The following PHACTR4 variants were observed in gnomAD, a reference collection of about 807,000 sequenced individuals.
PHACTR4 encodes protein phosphatase 1, regulatory subunit 124.
PHACTR4 carries 51 observed loss-of-function variants against 72.7 expected under a neutral mutation model. The ratio of observed to expected loss-of-function variants is 0.70; its 90% CI spans 0.56 to 0.89. PHACTR4 has a LOEUF of 0.89. Ranked by LOEUF, PHACTR4 falls within the 40% of genes least tolerant of loss-of-function variation. The pLI is 0.00. For missense variants in PHACTR4, 731 were observed against 861.8 expected (o/e 0.85, Z 1.90); for synonymous variants, 255 against 302.5 (o/e 0.84, Z 1.63).
At chr1:28,401,495 C>T (rs11247805) in intron 1 of PHACTR4, among the ~76,000 whole-genome samples, 58,558 of 151,606 alleles carry the variant, frequency 0.39, 12,990 homozygotes, top group African/African-American at 0.6. Context: ...TTAGTAGAGA[C>T]GAGGTTTCAC....
intron 3 of PHACTR4, among the ~76,000 whole-genome samples, 195 bp downstream of exon 3, chr1:28,459,453 G>A (rs1658648108): frequency 7.1e-6 from 1 of 140,022 alleles, no homozygotes; most frequent in Admixed American, 7.5e-5. Context: ...CCAGGCTAGA[G>A]TACAGTGGCG....
At position 28,496,862 on chromosome 1, in the gene PHACTR4, C is replaced by G. The variant is rs528616029; in HGVS notation, c.*313C>G. 1 of 465,662 alleles carries G rather than the reference C, an allele frequency of 2.1e-6. No individual in the cohort carries two copies. The highest frequency in any genetic ancestry group is 4.1e-5 in the East Asian group (1 of 24,118). The allele number at this position is 465,662 out of a possible 1,614,324, so 28.8% of individuals were successfully genotyped here. ...CAGGTTTTACTGGCTGCACCACACCCCTTCCCCTAGATGACTGCCTGTGCA... is the reference window on the plus strand; with the variant it reads ...CAGGTTTTACTGGCTGCACCACACCGCTTCCCCTAGATGACTGCCTGTGCA... On this transcript the variant is annotated 3_prime_UTR_variant, in exon 14 of 14. Coordinates refer to ENST00000373839, the MANE Select transcript of PHACTR4 (RefSeq NM_001048183.3).
intron 2 of PHACTR4, among the ~76,000 whole-genome samples, chr1:28,411,881 GAAAGAAAGAACGAATGAACA>G (rs1654815541): frequency 6.6e-6 from 1 of 151,580 alleles, no homozygotes; most frequent in South Asian, 2.1e-4. Flanking sequence ...ATGAACAAAA[GAAAGAAAGAACGAATGAACA>G]AAAGAAAGAA....
At chr1:28,472,818 A>AT (rs1557838034) in intron 6 of PHACTR4, among the ~76,000 whole-genome samples, 1 of 104,936 alleles carries the variant, frequency 9.5e-6, no homozygotes, top group Non-Finnish European at 1.9e-5. Context: ...GGGTTTCACC[A>AT]TGTTGGCCAG....
chr1:28,470,200 C>T (rs1659474997), intron 6 of PHACTR4, among the ~76,000 whole-genome samples: 1 of 151,982 alleles, frequency 6.6e-6, no homozygotes, highest in Non-Finnish European at 1.5e-5. Context: ...CAAGACCAGC[C>T]TGAGCAACGT....
At chr1:28,374,694 G>A (rs1420908710) in intron 1 of PHACTR4, among the ~76,000 whole-genome samples, 1 of 152,098 alleles carries the variant, frequency 6.6e-6, no homozygotes, top group Non-Finnish European at 1.5e-5. Context: ...TATATTCTAG[G>A]CACTGTTGTA....
intron 1 of PHACTR4, among the ~76,000 whole-genome samples, chr1:28,382,479 A>G (rs1213679114): frequency 4.7e-5 from 7 of 150,320 alleles, no homozygotes; most frequent in Non-Finnish European, 8.9e-5. Flanking sequence ...AATTTTTTGT[A>G]TGTTTAGTAG....
intron 2 of PHACTR4, among the ~76,000 whole-genome samples, chr1:28,450,974 C>CTTTTTTTTTTTTTTTTT (rs1188704308): frequency 0.02 from 1,433 of 71,838 alleles, 113 homozygotes; most frequent in Non-Finnish European, 0.029. Context: ...CCACACCCAG[C>CTTTTTTTTTTTTTTTTT]TTTTTTTTTT....
intron 2 of PHACTR4, among the ~76,000 whole-genome samples, chr1:28,447,851 C>G (rs1247373759): frequency 2.0e-5 from 3 of 152,138 alleles, no homozygotes; most frequent in African/African-American, 2.4e-5. Context: ...CGAGTTCTTT[C>G]TAATTCCCAA....
Position 28,498,853 on chromosome 1 carries a change from C to CAGGCAGATAACGA in PHACTR4, c.*2304_*2305insAGGCAGATAACGA, listed in dbSNP as rs1553209053. On this transcript the variant is annotated 3_prime_UTR_variant, in exon 14 of 14. Coordinates refer to ENST00000373839, the MANE Select transcript of PHACTR4 (RefSeq NM_001048183.3). ...ATCTCAGCACTTTGGGAAGCCAAGGCGGTCAGGAGTTTGAGACCAGCCTGA... is the reference window on the plus strand; with the variant it reads ...ATCTCAGCACTTTGGGAAGCCAAGGCAGGCAGATAACGAGGTCAGGAGTTTGAGACCAGCCTGA... 6.6e-6 allele frequency: 1 copy of CAGGCAGATAACGA among 151,702 alleles called. No homozygotes were observed. Among genetic ancestry groups the CAGGCAGATAACGA allele is most frequent in the African/African-American group, 2.4e-5 (1 of 41,246 alleles). 9.4% of individuals were successfully genotyped at this position (151,702 alleles called of 1,614,324 possible).
chr1:28,444,214 C>CTTTTT (rs746642128), intron 2 of PHACTR4, among the ~76,000 whole-genome samples: 12 of 41,108 alleles, frequency 2.9e-4, no homozygotes, highest in Non-Finnish European at 4.9e-4. Context: ...ATATATTTGG[C>CTTTTT]TTTTTTTTTT....
At chr1:28,446,855 C>T (rs1225292010) in intron 2 of PHACTR4, among the ~76,000 whole-genome samples, 1 of 152,058 alleles carries the variant, frequency 6.6e-6, no homozygotes, top group African/African-American at 2.4e-5. Flanking sequence ...GTGTCTACTC[C>T]CCCTTCATCT....
At chr1:28,479,888 C>G (rs1051518759) in intron 8 of PHACTR4, among the ~76,000 whole-genome samples, 2 of 152,166 alleles carry the variant, frequency 1.3e-5, no homozygotes, top group Non-Finnish European at 2.9e-5. Context: ...AGCAAAAGCT[C>G]TGTCTCAAAC....
rs1557838807 is a variant in PHACTR4 at position 28,473,683 on chromosome 1, C to G, written c.953C>G (p.Thr318Arg). The G allele has an allele frequency of 6.2e-7, 1 of 1,614,004 alleles. No homozygotes were observed. Among genetic ancestry groups the G allele is most frequent in the South Asian group, 1.1e-5 (1 of 91,090 alleles). ...LESAAAITTK[T>R]PSDEREKSTC... ...TCTGCTGCTGCCATCACCACAAAAA[C>G]ACCAAGTGATGAAAGAGAGAAGAGC... The change falls in exon 7 of 14, where the codon ACA becomes AGA. Residue 318 changes from threonine (T) to arginine (R), a missense_variant. This residue lies in a region of PHACTR4 where 621 missense variants were observed against 676.6 expected (regional missense o/e 0.92). Transcript: ENST00000373839.
chr1:28,385,718 C>A (rs895713237), intron 1 of PHACTR4, among the ~76,000 whole-genome samples: 4 of 149,128 alleles, frequency 2.7e-5, no homozygotes, highest in Non-Finnish European at 4.5e-5. Context: ...TGGGTTCAAG[C>A]GATTCTCATG....
intron 1 of PHACTR4, among the ~76,000 whole-genome samples, chr1:28,389,154 A>C (rs1652804237): frequency 7.1e-6 from 1 of 140,714 alleles, no homozygotes; most frequent in Admixed American, 7.0e-5. Context: ...GGAACTCAAC[A>C]GCAAGGAAAC....
At chr1:28,397,569 A>G (rs779422358) in intron 1 of PHACTR4, among the ~76,000 whole-genome samples, 19 of 152,348 alleles carry the variant, frequency 1.2e-4, no homozygotes, top group Admixed American at 7.8e-4. Flanking sequence ...GGCAGAAAAT[A>G]ATTTCATTCT....
intron 6 of PHACTR4, among the ~76,000 whole-genome samples, chr1:28,469,281 CA>C (rs1294912363): frequency 6.6e-6 from 1 of 152,072 alleles, no homozygotes; most frequent in Non-Finnish European, 1.5e-5. Context: ...TGAGGTTGAT[CA>C]AGATTTTTGT....
chr1:28,389,833 G>A (rs1044221101), intron 1 of PHACTR4, among the ~76,000 whole-genome samples: 1 of 152,018 alleles, frequency 6.6e-6, no homozygotes, highest in Non-Finnish European at 1.5e-5. Flanking sequence ...ATTGAAAATA[G>A]GATTATCATA....
Sources: gnomAD v4.1 joint callset for allele counts (sites outside exome capture counted in the v4.1 genomes callset) on GRCh38, gnomAD v4.1.1 for gene constraint, gnomAD v4.1.1 regional missense constraint, MANE v1.5 for transcripts, NCBI Gene and HGNC (gene_info 2026-07-23, HGNC 2026-07-21) for gene names.